TMEM163: variants seen among roughly 807,000 people sequenced by gnomAD.
The protein encoded by TMEM163 is transmembrane protein 163.
Under a neutral mutation model 29.3 loss-of-function variants are expected in TMEM163, and 17 were observed. The observed-to-expected ratio is 0.58, with a 90% CI of 0.40 to 0.87. TMEM163 has a LOEUF of 0.87. TMEM163 is among the 40% of genes least tolerant of loss of function. The probability of loss-of-function intolerance (pLI) is 0.00; values close to 1 mark genes in which losing one functional copy is unlikely to be tolerated. For missense variants in TMEM163, 303 were observed against 381.5 expected (o/e 0.79, Z 1.71); for synonymous variants, 157 against 160.6 (o/e 0.98, Z 0.17).
At chr2:134,700,942 A>ATAATTAAT (rs544740176) in intron 2 of TMEM163, among the ~76,000 whole-genome samples, 29 of 119,354 alleles carry the variant, frequency 2.4e-4, no homozygotes, top group East Asian at 1.0e-3. Flanking sequence ...AAATAAATAA[A>ATAATTAAT]TAAATAAAGT....
intron 2 of TMEM163, among the ~76,000 whole-genome samples, chr2:134,574,804 A>G (rs1428773590): frequency 6.6e-6 from 1 of 152,186 alleles, no homozygotes; most frequent in Non-Finnish European, 1.5e-5. Flanking sequence ...GATTTGATGC[A>G]GCTGTGTAGG....
chr2:134,555,135 C>T (rs553417782), intron 2 of TMEM163, among the ~76,000 whole-genome samples: 1 of 152,170 alleles, frequency 6.6e-6, no homozygotes, highest in Admixed American at 6.5e-5. Context: ...GTTCAGATGG[C>T]CTTTCAGGAA....
intron 2 of TMEM163, 48 bp downstream of exon 2, chr2:134,713,152 A>C: frequency 6.3e-7 from 1 of 1,588,626 alleles, no homozygotes; most frequent in Non-Finnish European, 8.5e-7. Context: ...TAGAGAATAA[A>C]ACGGGCAACA....
intron 2 of TMEM163, among the ~76,000 whole-genome samples, chr2:134,579,880 G>A (rs1291208152): frequency 6.6e-6 from 1 of 152,122 alleles, no homozygotes; most frequent in Non-Finnish European, 1.5e-5. Flanking sequence ...CTTGGCCCCC[G>A]TGCTAATGGT....
At chr2:134,518,022 T>C (rs751788180) in intron 4 of TMEM163, among the ~76,000 whole-genome samples, 2 of 152,146 alleles carry the variant, frequency 1.3e-5, no homozygotes, top group Non-Finnish European at 2.9e-5. Context: ...CTATACACTC[T>C]ACTATTTTGA....
Position 134,620,416 on chromosome 2 carries a change from C to T in TMEM163, c.323-68325G>A, listed in dbSNP as rs113502531. Among the ~76,000 whole-genome samples, 1,429 of 152,192 alleles carry T rather than the reference C, an allele frequency of 9.4e-3. 29 individuals carry two copies. The highest frequency in any genetic ancestry group is 0.032 in the African/African-American group (1,319 of 41,512). The stretch of plus-strand genomic sequence containing the variant: ...GGATTACAGGCATGCGCCATGACCC[C>T]GGCTAATTTTGTATTTTTTTAGTAG... On this transcript the variant is annotated intron_variant, in intron 2 of 7. Coordinates refer to ENST00000281924, the MANE Select transcript of TMEM163 (RefSeq NM_030923.5).
intron 2 of TMEM163, among the ~76,000 whole-genome samples, chr2:134,573,804 T>C (rs1681488066): frequency 6.6e-6 from 1 of 152,270 alleles, no homozygotes; most frequent in Non-Finnish European, 1.5e-5. Context: ...TGTCTTTGCA[T>C]TCTGCAACAC....
At chr2:134,472,355 T>C (rs1188541923) in intron 5 of TMEM163, among the ~76,000 whole-genome samples, 1 of 152,162 alleles carries the variant, frequency 6.6e-6, no homozygotes, top group Non-Finnish European at 1.5e-5. Context: ...TGAGAGACAG[T>C]TAAAAATAAC....
intron 5 of TMEM163, among the ~76,000 whole-genome samples, chr2:134,471,249 G>T (rs1460445498): frequency 6.6e-6 from 1 of 152,242 alleles, no homozygotes; most frequent in Non-Finnish European, 1.5e-5. Context: ...ATATGTTGAA[G>T]CCCTAACCCC....
chr2:134,593,774 A>G (rs1278955600), intron 2 of TMEM163, among the ~76,000 whole-genome samples: 1 of 152,002 alleles, frequency 6.6e-6, no homozygotes, highest in Non-Finnish European at 1.5e-5. Flanking sequence ...AGCTTGATTC[A>G]TAAAAAATTG....
At chr2:134,591,338 GA>G (rs1681930038) in intron 2 of TMEM163, among the ~76,000 whole-genome samples, 2 of 152,116 alleles carry the variant, frequency 1.3e-5, no homozygotes, top group Admixed American at 1.3e-4. Context: ...CTGTAACAGT[GA>G]TGCTGGTGGG....
At chr2:134,670,593 A>G (rs2104866301) in intron 2 of TMEM163, among the ~76,000 whole-genome samples, 1 of 152,386 alleles carries the variant, frequency 6.6e-6, no homozygotes, top group East Asian at 1.9e-4. Context: ...GGTGACGTTC[A>G]TCAAATTCAC....
chr2:134,656,732 G>A (rs1236477751), intron 2 of TMEM163, among the ~76,000 whole-genome samples: 1 of 152,204 alleles, frequency 6.6e-6, no homozygotes, highest in Non-Finnish European at 1.5e-5. Context: ...CTGTGGGTAT[G>A]TCATAGATGG....
chr2:134,482,654 C>A (rs958266183), intron 5 of TMEM163, among the ~76,000 whole-genome samples: 1 of 152,196 alleles, frequency 6.6e-6, no homozygotes, highest in Non-Finnish European at 1.5e-5. Context: ...TTCCCCACCC[C>A]CAACCAGCAG....
rs371327019 is a variant in TMEM163 at position 134,691,950 on chromosome 2, T to C, written c.322+21250A>G. On this transcript the variant is annotated intron_variant, in intron 2 of 7. Coordinates refer to ENST00000281924, the MANE Select transcript of TMEM163 (RefSeq NM_030923.5). ...GGATTGAGGCAGGGGCTGCAGTGGA[T>C]ATCTTTGCAGATGTGATTAATTTCA... 5.3e-5 allele frequency among the ~76,000 whole-genome samples: 8 copies of C among 152,232 alleles called. No homozygotes were observed. In the East Asian group the frequency reaches 7.7e-4, roughly 15 times the overall value.
chr2:134,471,525 G>A (rs1287772169), intron 5 of TMEM163, among the ~76,000 whole-genome samples: 2 of 152,184 alleles, frequency 1.3e-5, no homozygotes, highest in African/African-American at 4.8e-5. Context: ...GAACTGTGAA[G>A]ATGAAATTCC....
intron 2 of TMEM163, among the ~76,000 whole-genome samples, chr2:134,556,129 G>A (rs1681044268): frequency 6.6e-6 from 1 of 152,188 alleles, no homozygotes; most frequent in Non-Finnish European, 1.5e-5. Flanking sequence ...TGAGAATGAA[G>A]CCAACACAAG....
chr2:134,601,701 T>G (rs1165523179), intron 2 of TMEM163, among the ~76,000 whole-genome samples: 1 of 152,198 alleles, frequency 6.6e-6, no homozygotes, highest in Non-Finnish European at 1.5e-5. Flanking sequence ...ACAACATCAG[T>G]ACCATCAGGG....
At chr2:134,561,159 C>G (rs1681170013) in intron 2 of TMEM163, among the ~76,000 whole-genome samples, 1 of 152,226 alleles carries the variant, frequency 6.6e-6, no homozygotes, top group Admixed American at 6.5e-5. Context: ...CTACACAGAC[C>G]TCACACGCCA....
Sources: gnomAD v4.1 joint callset for allele counts (sites outside exome capture counted in the v4.1 genomes callset) on GRCh38, gnomAD v4.1.1 for gene constraint, MANE v1.5 for transcripts, NCBI Gene and HGNC (gene_info 2026-07-23, HGNC 2026-07-21) for gene names.